Variants in RBM47 observed in about 807,000 individuals in gnomAD.
RBM47 encodes the protein RNA-binding protein 47.
RBM47 carries 21 observed loss-of-function variants against 47.1 expected under a neutral mutation model. The ratio of observed to expected loss-of-function variants is 0.45; its 90% confidence interval spans 0.32 to 0.64. The LOEUF is 0.64. Ranked by LOEUF, RBM47 falls within the 30% of genes least tolerant of loss-of-function variation. The pLI, the probability that RBM47 is intolerant of heterozygous loss-of-function variation, is 0.05. For synonymous variants in RBM47, 375 were observed against 361.7 expected, an observed-to-expected ratio of 1.04 and a Z score of -0.42; for missense variants, 708 against 870.9, an observed-to-expected ratio of 0.81 and a Z score of 2.35.
At chr4:40,449,155 T>C (rs1715016339) in intron 3 of RBM47, among the ~76,000 whole-genome samples, 1 of 152,146 alleles carries the variant, frequency 6.6e-6, no homozygotes, top group Non-Finnish European at 1.5e-5. Flanking sequence ...AGGCAGAACA[T>C]GGAATTTACT....
rs773929173 is a variant in RBM47 at position 40,436,757 on chromosome 4, G to T, written c.1124-110C>A. ...ACTGCCCCAGTCTTAATTGCAGGTG[G>T]CTACACCTTTGCTCTTTAATAGGCT... is the stretch of plus-strand genomic sequence containing the variant. On this transcript the variant is annotated intron_variant, in intron 4 of 6. Transcript: ENST00000295971. 14 of 1,027,800 alleles carry T rather than the reference G, an allele frequency of 1.4e-5. 1 individual carries two copies. The highest frequency in any genetic ancestry group is 1.8e-5 in the Non-Finnish European group (12 of 659,746). The allele number at this position is 1,027,800 out of a possible 1,614,324, so 63.7% of individuals were successfully genotyped here.
At chr4:40,627,577 A>G (rs1370590792) in intron 1 of RBM47, among the ~76,000 whole-genome samples, 1 of 152,252 alleles carries the variant, frequency 6.6e-6, no homozygotes, top group Admixed American at 6.5e-5. Flanking sequence ...GCAGAATTTG[A>G]AAAGCAAATT....
chr4:40,471,658 A>G (rs888421129), intron 2 of RBM47, among the ~76,000 whole-genome samples: 2 of 148,760 alleles, frequency 1.3e-5, no homozygotes, highest in African/African-American at 5.0e-5. Flanking sequence ...CGTGCCAGGC[A>G]CTCCAGCCTG....
intron 1 of RBM47, among the ~76,000 whole-genome samples, chr4:40,606,939 T>C (rs1488999836): frequency 1.3e-5 from 2 of 151,912 alleles, no homozygotes; most frequent in South Asian, 2.1e-4. Flanking sequence ...ACTATTATTG[T>C]GTCACTCTAC....
chr4:40,528,473 T>C (rs1310791143), intron 2 of RBM47, among the ~76,000 whole-genome samples: 1 of 151,482 alleles, frequency 6.6e-6, no homozygotes, highest in African/African-American at 2.4e-5. Context: ...ACTAAGCAAA[T>C]ATATTCTTCC....
At chr4:40,526,679 T>G (rs1342860079) in intron 2 of RBM47, among the ~76,000 whole-genome samples, 1 of 151,952 alleles carries the variant, frequency 6.6e-6, no homozygotes, top group African/African-American at 2.4e-5. Context: ...GCTCCAGGGA[T>G]CCTCCTGCTT....
intron 2 of RBM47, among the ~76,000 whole-genome samples, chr4:40,495,363 A>T (rs113619575): frequency 0.04 from 6,138 of 152,188 alleles, 327 homozygotes; most frequent in African/African-American, 0.12. Flanking sequence ...TCCCCTTGGG[A>T]GCCTGAGGCA....
intron 6 of RBM47, chr4:40,427,342 G>T (rs1715207878): frequency 6.6e-6 from 1 of 152,208 alleles, no homozygotes. Context: ...GAAGAAGTGG[G>T]CAAGGACAAG....
At chr4:40,473,414 C>G (rs1038444125) in intron 2 of RBM47, among the ~76,000 whole-genome samples, 3 of 152,124 alleles carry the variant, frequency 2.0e-5, no homozygotes, top group African/African-American at 7.2e-5. Context: ...TGTGCTATAA[C>G]AAAAATGACA....
intron 3 of RBM47, among the ~76,000 whole-genome samples, chr4:40,462,714 T>A (rs1407416165): frequency 6.6e-6 from 1 of 150,572 alleles, no homozygotes; most frequent in East Asian, 2.0e-4. Context: ...AACTGCTTGA[T>A]ACAGGCTTTC....
At position 40,432,692 on chromosome 4, in the gene RBM47, C is replaced by T. The variant is rs1716348807; in HGVS notation, c.1501G>A (p.Ala501Thr). Residue 501 changes from alanine to threonine, a missense_variant, in exon 6 of 7, where the codon GCC becomes ACC. Ala to Thr is a moderately conservative substitution (Grantham distance 58). Coordinates refer to ENST00000295971, the MANE Select transcript of RBM47 (RefSeq NM_001098634.2). The stretch of plus-strand genomic sequence containing the variant: ...GTCGACACAGTGGGAATGACAGCGG[C>T]TGCGGCGGCTGCGGCCGCGGCTGCG... The part of the protein sequence containing the change: ...AAAAAAAAAA[A>T]AVIPTVSTPP... 6.3e-7 allele frequency: 1 copy of T among 1,598,754 alleles called. No individual in the cohort carries two copies. Among genetic ancestry groups the T allele is most frequent in the African/African-American group, 1.3e-5 (1 of 74,218 alleles).
intron 2 of RBM47, among the ~76,000 whole-genome samples, chr4:40,502,681 CA>C (rs1292347647): frequency 6.6e-6 from 1 of 151,946 alleles, no homozygotes. Context: ...GCCATCTTTA[CA>C]AAAAAATTTA....
chr4:40,602,373 G>A (rs1333471197), intron 1 of RBM47, among the ~76,000 whole-genome samples: 1 of 152,046 alleles, frequency 6.6e-6, no homozygotes, highest in African/African-American at 2.4e-5. Context: ...ATATCGGCCG[G>A]GCGCGGTCGC....
intron 3 of RBM47, among the ~76,000 whole-genome samples, chr4:40,447,316 T>C (rs925144764): frequency 1.3e-5 from 2 of 152,234 alleles, no homozygotes; most frequent in Non-Finnish European, 2.9e-5. Context: ...ATTATTATTC[T>C]GAACTAGGGA....
intron 1 of RBM47, among the ~76,000 whole-genome samples, chr4:40,553,989 G>C (rs1729824732): frequency 6.6e-6 from 1 of 152,154 alleles, no homozygotes; most frequent in Non-Finnish European, 1.5e-5. Flanking sequence ...AGTGCAGAGA[G>C]GTTACCTGGT....
chr4:40,499,988 G>A (rs1723121708), intron 2 of RBM47, among the ~76,000 whole-genome samples: 1 of 152,226 alleles, frequency 6.6e-6, no homozygotes, highest in Admixed American at 6.5e-5. Context: ...GCTACTAGCT[G>A]TGCTTAAACA....
At chr4:40,526,695 T>C (rs1014278214) in intron 2 of RBM47, among the ~76,000 whole-genome samples, 2 of 151,362 alleles carry the variant, frequency 1.3e-5, no homozygotes, top group African/African-American at 4.8e-5. Context: ...TGCTTCGGCC[T>C]CCTGAGTAGA....
chr4:40,589,513 T>G (rs911737117), intron 1 of RBM47, among the ~76,000 whole-genome samples: 2 of 152,090 alleles, frequency 1.3e-5, no homozygotes, highest in African/African-American at 4.8e-5. Context: ...CTCAGCTCAC[T>G]GCAACCTCCA....
intron 4 of RBM47, 119 bp from the exon 5 acceptor site, chr4:40,436,766 T>C: frequency 1.1e-6 from 1 of 936,442 alleles, no homozygotes; most frequent in Non-Finnish European, 1.7e-6. Flanking sequence ...GGCTACACCT[T>C]TGCTCTTTAA....
Sources: gnomAD v4.1 joint callset for allele counts (sites outside exome capture counted in the v4.1 genomes callset) on GRCh38, gnomAD v4.1.1 for gene constraint, MANE v1.5 for transcripts, NCBI Gene and HGNC (gene_info 2026-07-23, HGNC 2026-07-21) for gene names.